CHRNG: variants seen among roughly 807,000 people sequenced by gnomAD.
The protein encoded by CHRNG is cholinergic receptor nicotinic gamma subunit.
A neutral mutation model predicts 65.2 loss-of-function variants in CHRNG; 72 were observed. The ratio of observed to expected loss-of-function variants is 1.10; its 90% CI spans 0.91 to 1.34. The LOEUF (loss-of-function observed/expected upper bound fraction) is 1.34, where lower values mean the gene tolerates loss of function less well. CHRNG is among the 40% of genes most tolerant of loss of function. The pLI, the probability that CHRNG is intolerant of heterozygous loss-of-function variation, is 0.00. For missense variants in CHRNG, 637 were observed against 680.1 expected, an observed-to-expected ratio of 0.94 and a Z score of 0.70; for synonymous variants, 284 against 290.2, an observed-to-expected ratio of 0.98 and a Z score of 0.22.
At position 232,545,856 on chromosome 2, in the gene CHRNG, G is replaced by A; in HGVS notation, c.*140G>A. The A allele has an allele frequency of 1.0e-6, 1 of 970,312 alleles. No homozygotes were observed. Among genetic ancestry groups the A allele is most frequent in the Non-Finnish European group, 1.6e-6 (1 of 624,356 alleles). 60.1% of individuals were successfully genotyped at this position (970,312 alleles called of 1,614,324 possible). ...GACTGTGTGAGCCAAACAGCCCTGA[G>A]AAAAGCTGGGGAAACAGTCTGAGCT... On this transcript the variant is annotated 3_prime_UTR_variant, in exon 12 of 12. Transcript: ENST00000651502.
At chr2:232,542,762 T>C (rs1574644925) in intron 6 of CHRNG, 120 bp from the exon 7 acceptor site, 1 of 863,686 alleles carries the variant, frequency 1.2e-6, no homozygotes, top group Non-Finnish European at 1.9e-6. Flanking sequence ...CCCTCAAGGG[T>C]GCCTCCCCTG....
chr2:232,540,168 G>C lies in CHRNG; in HGVS notation c.195+37G>C, dbSNP rs189758018. On this transcript the variant is annotated intron_variant, in intron 2 of 11. Transcript: ENST00000651502. The surrounding 1 kb of genome is among the most constrained non-coding windows in gnomAD (Gnocchi z 4.2). ...GACGGAGGAGGGGTCAGCGCACCACGCCCTGGGACCTGCTGGGGATAGCAT... is the reference window on the plus strand; with the variant it reads ...GACGGAGGAGGGGTCAGCGCACCACCCCCTGGGACCTGCTGGGGATAGCAT... The C allele has an allele frequency of 1.2e-6, 2 of 1,614,082 alleles. No individual in the cohort carries two copies. Among genetic ancestry groups the C allele is most frequent in the Non-Finnish European group, 1.7e-6 (2 of 1,179,974 alleles).
In CHRNG at chr2:232,540,379, A is replaced by AT; in HGVS notation, c.196-2_196-1insT. On this transcript the variant is annotated splice_acceptor_variant, in intron 2 of 11. Coordinates refer to ENST00000651502, the MANE Select transcript of CHRNG (RefSeq NM_005199.5). LOFTEE classifies it high-confidence loss of function. This position sits in a 1 kb window ranked among gnomAD's most constrained non-coding sequence, Gnocchi z 4.2. ...CTCCATACTACACCCTTGCACCCCCAGAACGAGCGAGAGGAAGCCCTCACC... is the reference window on the plus strand; with the variant it reads ...CTCCATACTACACCCTTGCACCCCCATGAACGAGCGAGAGGAAGCCCTCACC... 6.2e-7 allele frequency: 1 copy of AT among 1,614,056 alleles called. No individual in the cohort carries two copies. The highest frequency in any genetic ancestry group is 8.5e-7 in the Non-Finnish European group (1 of 1,179,946).
rs1692024480 is a variant in CHRNG at position 232,541,905 on chromosome 2, C to A, written c.506+376C>A. 3 of 356,950 alleles carry A rather than the reference C, an allele frequency of 8.4e-6. No individual in the cohort carries two copies. The highest frequency in any genetic ancestry group is 1.6e-5 in the Non-Finnish European group (3 of 188,854). 22.1% of individuals were successfully genotyped at this position (356,950 alleles called of 1,614,324 possible). On this transcript the variant is annotated intron_variant, in intron 5 of 11. Coordinates refer to ENST00000651502, the MANE Select transcript of CHRNG (RefSeq NM_005199.5). This position sits in a 1 kb window ranked among gnomAD's most constrained non-coding sequence, Gnocchi z 4.0. Reference sequence around the variant, plus strand: ...GCAGGGCTGTCCTGTGAGAGAGGGGCCCTGGCAGGGAATCCAGCGGAAGCA... The same window carrying A: ...GCAGGGCTGTCCTGTGAGAGAGGGGACCTGGCAGGGAATCCAGCGGAAGCA...
chr2:232,545,675 T>A lies in CHRNG; in HGVS notation c.1513T>A (p.Phe505Ile). ...CTACAACCGGGTGCCGGCCCTGCCA[T>A]TCCCTGGAGATCCACGCCCCTACCT... is the stretch of plus-strand genomic sequence containing the variant. ...AHYNRVPALP[F>I]PGDPRPYLPS... Residue 505 changes from phenylalanine to isoleucine, a missense_variant, in exon 12 of 12, where the codon TTC becomes ATC. By Grantham distance (21) the Phe-to-Ile change is conservative. Transcript: ENST00000651502. 6.2e-7 allele frequency: 1 copy of A among 1,614,160 alleles called. No individual in the cohort carries two copies.
At position 232,539,698 on chromosome 2, in the gene CHRNG, G is replaced by T; in HGVS notation, c.-50G>T. 1 of 1,587,024 alleles carries T rather than the reference G, an allele frequency of 6.3e-7. No homozygotes were observed. On this transcript the variant is annotated 5_prime_UTR_variant, in exon 1 of 12. Coordinates refer to ENST00000651502, the MANE Select transcript of CHRNG (RefSeq NM_005199.5). ...CCAGAGCCCATCTCTCTCTGCCCCA[G>T]ACCTTGGAGCTGTTGTCCCACCCCT...
intron 7 of CHRNG, 53 bp from the exon 8 acceptor site, chr2:232,543,222 C>T: frequency 6.5e-7 from 1 of 1,547,650 alleles, no homozygotes; most frequent in Non-Finnish European, 8.9e-7. Flanking sequence ...AGGGGTTCCT[C>T]TGTGGGTGGG....
rs561302537 is a variant in CHRNG, at chr2:232,540,762, G to C, written c.350+51G>C. On this transcript the variant is annotated intron_variant, in intron 4 of 11. Transcript: ENST00000651502. This position sits in a 1 kb window ranked among gnomAD's most constrained non-coding sequence, Gnocchi z 4.2. ...GTGGGGGACAAAGGACACAGGGTCT[G>C]GGCCCAGCAGAACAAGGCACTCTGG... is the stretch of plus-strand genomic sequence containing the variant. The C allele has an allele frequency of 2.0e-4, 303 of 1,505,326 alleles. 1 individual carries two copies. The highest frequency in any genetic ancestry group is 2.4e-4 in the Non-Finnish European group (262 of 1,098,316). 93.2% of individuals were successfully genotyped at this position (1,505,326 alleles called of 1,614,324 possible).
rs780249576 is a variant in CHRNG, at chr2:232,541,419, GT to G, written c.397del (p.Ser133ProfsTer50). ...EVALYCNVLV[S>X]PDGCIYWLPP... is the part of the protein sequence containing the mutation. ...TGGCCCTCTACTGCAATGTGCTCGT[GT>G]CCCCTGACGGCTGTATCTACTGGCT... On this transcript the variant is annotated frameshift_variant, in exon 5 of 12. Coordinates refer to ENST00000651502, the MANE Select transcript of CHRNG (RefSeq NM_005199.5). LOFTEE classifies it high-confidence loss of function. The surrounding 1 kb of genome is among the most constrained non-coding windows in gnomAD (Gnocchi z 4.0). 169 of 1,614,010 alleles carry G rather than the reference GT, an allele frequency of 1.0e-4. No homozygotes were observed. The highest frequency in any genetic ancestry group is 1.4e-4 in the Non-Finnish European group (165 of 1,179,994).
Position 232,541,450 on chromosome 2 carries a change from C to A in CHRNG, c.427C>A (p.Pro143Thr). ...TGACGGCTGTATCTACTGGCTGCCG[C>A]CTGCCATCTTCCGTTCCGCCTGCTC... The part of the protein sequence containing the change: ...SPDGCIYWLP[P>T]AIFRSACSIS... Residue 143 changes from proline to threonine, a missense_variant, in exon 5 of 12, where the codon CCT (proline) becomes ACT (threonine). Transcript: ENST00000651502. The surrounding 1 kb of genome is among the most constrained non-coding windows in gnomAD (Gnocchi z 4.0). The A allele has an allele frequency of 6.2e-7, 1 of 1,614,118 alleles. No homozygotes were observed. The highest frequency in any genetic ancestry group is 2.2e-5 in the East Asian group (1 of 44,874).
chr2:232,541,462 C>T lies in CHRNG; in HGVS notation c.439C>T (p.Arg147Cys), dbSNP rs754928609. ...CIYWLPPAIF[R>C]SACSISVTYF... ...CTACTGGCTGCCGCCTGCCATCTTC[C>T]GTTCCGCCTGCTCTATCTCAGTCAC... is the stretch of plus-strand genomic sequence containing the variant. Residue 147 changes from arginine to cysteine, a missense_variant, in exon 5 of 12, where the codon CGT (arginine) becomes TGT (cysteine). Coordinates refer to ENST00000651502, the MANE Select transcript of CHRNG (RefSeq NM_005199.5). This position sits in a 1 kb window ranked among gnomAD's most constrained non-coding sequence, Gnocchi z 4.0. 4.6e-5 allele frequency: 75 copies of T among 1,614,040 alleles called. No homozygotes were observed. In the Admixed American group the frequency reaches 1.0e-3, roughly 22 times the overall value.
In CHRNG at chr2:232,540,378, C is replaced by T. The variant is rs1439238274; in HGVS notation, c.196-3C>T. On this transcript the variant is annotated splice_region_variant and splice_polypyrimidine_tract_variant and intron_variant, in intron 2 of 11. Coordinates refer to ENST00000651502, the MANE Select transcript of CHRNG (RefSeq NM_005199.5). This position sits in a 1 kb window ranked among gnomAD's most constrained non-coding sequence, Gnocchi z 4.2. ...CCTCCATACTACACCCTTGCACCCC[C>T]AGAACGAGCGAGAGGAAGCCCTCAC... 6.2e-7 allele frequency: 1 copy of T among 1,614,082 alleles called. No individual in the cohort carries two copies. Among genetic ancestry groups the T allele is most frequent in the Non-Finnish European group, 8.5e-7 (1 of 1,179,978 alleles).
chr2:232,546,033 T>TGAAGCCC lies in CHRNG; in HGVS notation c.*322_*328dup. 2.1e-6 allele frequency: 1 copy of TGAAGCCC among 467,050 alleles called. No individual in the cohort carries two copies. The highest frequency in any genetic ancestry group is 4.4e-5 in the East Asian group (1 of 22,932). 28.9% of individuals were successfully genotyped at this position (467,050 alleles called of 1,614,324 possible). A position where few individuals can be genotyped will look rare whatever the true frequency, so the allele number is the denominator to read the frequency against. On this transcript the variant is annotated 3_prime_UTR_variant, in exon 12 of 12. Coordinates refer to ENST00000651502, the MANE Select transcript of CHRNG (RefSeq NM_005199.5). ...AAAGCATTATTCATTCCCATCAGTC[T>TGAAGCCC]GAAGCCCGAAGGACTGTTTTGTATA...
rs1488154271 is a variant in CHRNG at position 232,547,045 on chromosome 2, G to T, written c.*1329G>T. ...ACACGAGTTTGGCTGGTAACCAGGG[G>T]ACACCCTTGGGCAAGTCACCTATGC... On this transcript the variant is annotated 3_prime_UTR_variant, in exon 12 of 12. Coordinates refer to ENST00000651502, the MANE Select transcript of CHRNG (RefSeq NM_005199.5). 6.6e-6 allele frequency among the ~76,000 whole-genome samples: 1 copy of T among 152,176 alleles called. No homozygotes were observed. The highest frequency in any genetic ancestry group is 1.5e-5 in the Non-Finnish European group (1 of 68,040).
rs138637669 is a variant in CHRNG, at chr2:232,543,625, G to A, written c.961G>A (p.Val321Met). The part of the protein sequence containing the change: ...FLLVVTILIV[V>M]NAVVVLNVSL... ...CCTGGTGGTGACCATCCTCATTGTC[G>A]TGAATGCTGTGGTTGTGCTCAATGT... Residue 321 changes from valine (V) to methionine (M), a missense_variant, in exon 9 of 12, where the codon GTG becomes ATG. By Grantham distance (21) the Val-to-Met change is conservative (BLOSUM62 1). Transcript: ENST00000651502. 33 of 1,613,654 alleles carry A rather than the reference G, an allele frequency of 2.0e-5. No homozygotes were observed. The highest frequency in any genetic ancestry group is 4.5e-5 in the East Asian group (2 of 44,882).
rs775113679 is a variant in CHRNG, at chr2:232,541,102, T to G, written c.351-272T>G. ...CATTAGTCGCTATTATGACTATTATTATTATTATTATTATTATGATTAAAA... is the reference window on the plus strand; with the variant it reads ...CATTAGTCGCTATTATGACTATTATGATTATTATTATTATTATGATTAAAA... On this transcript the variant is annotated intron_variant, in intron 4 of 11. Coordinates refer to ENST00000651502, the MANE Select transcript of CHRNG (RefSeq NM_005199.5). This position sits in a 1 kb window ranked among gnomAD's most constrained non-coding sequence, Gnocchi z 4.0. Among the ~76,000 whole-genome samples the G allele has an allele frequency of 1.7e-5, 2 of 120,584 alleles. No homozygotes were observed. Among genetic ancestry groups the G allele is most frequent in the Non-Finnish European group, 3.9e-5 (2 of 50,710 alleles). 79.1% of individuals were successfully genotyped at this position (120,584 alleles called of 152,430 possible). A position where few individuals can be genotyped will look rare whatever the true frequency, so the allele number is the denominator to read the frequency against.
In CHRNG at chr2:232,546,116, T is replaced by C. The variant is rs1692128740; in HGVS notation, c.*400T>C. On this transcript the variant is annotated 3_prime_UTR_variant, in exon 12 of 12. Coordinates refer to ENST00000651502, the MANE Select transcript of CHRNG (RefSeq NM_005199.5). ...ACAAGTTCTCCCTGAAAGAGGGCAGTCACAAGAGGTGTGAAGAGTAGCAGC... is the reference window on the plus strand; with the variant it reads ...ACAAGTTCTCCCTGAAAGAGGGCAGCCACAAGAGGTGTGAAGAGTAGCAGC... 1 of 342,280 alleles carries C rather than the reference T, an allele frequency of 2.9e-6. No individual in the cohort carries two copies. The highest frequency in any genetic ancestry group is 7.6e-5 in the East Asian group (1 of 13,222). The allele number at this position is 342,280 out of a possible 1,614,324, so 21.2% of individuals were successfully genotyped here.
In CHRNG at chr2:232,539,794, T is replaced by TCTGC; in HGVS notation, c.51_54dup (p.Gly19ProfsTer118). 6.2e-7 allele frequency: 1 copy of TCTGC among 1,613,854 alleles called. No homozygotes were observed. The highest frequency in any genetic ancestry group is 1.7e-5 in the Admixed American group (1 of 60,030). On this transcript the variant is annotated frameshift_variant, in exon 1 of 12. Coordinates refer to ENST00000651502, the MANE Select transcript of CHRNG (RefSeq NM_005199.5). LOFTEE classifies it high-confidence loss of function. ...CTGCTCCTCCTGCTGCTGCTGGCTG[T>TCTGC]CTGCCTGGGTGGGACACAAAGGAAT...
rs75369104 is a variant in CHRNG, at chr2:232,543,615, C to A, written c.951C>A (p.Ile317=). The stretch of plus-strand genomic sequence containing the variant: ...TGACCTTCCTCCTGGTGGTGACCAT[C>A]CTCATTGTCGTGAATGCTGTGGTTG... ...KYLTFLLVVT[I]LIVVNAVVVL... is the part of the protein sequence containing the mutation. The change falls in exon 9 of 12, where the codon ATC becomes ATA. Residue 317 remains isoleucine, a synonymous_variant. Transcript: ENST00000651502. 16,334 of 1,613,384 alleles carry A rather than the reference C, an allele frequency of 0.01. 175 individuals are homozygous for A. Among genetic ancestry groups the A allele is most frequent in the East Asian group, 0.036 (1,609 of 44,862 alleles).
Sources: allele counts gnomAD v4.1 joint callset (sites outside exome capture counted in the v4.1 genomes callset), GRCh38; gene constraint gnomAD v4.1.1; non-coding constraint Gnocchi (gnomAD v3.1); transcripts MANE v1.5; gene names NCBI Gene and HGNC (gene_info 2026-07-23, HGNC 2026-07-21).